MAIP1: variants seen among roughly 807,000 people sequenced by gnomAD.
MAIP1 encodes the protein m-AAA protease-interacting protein 1, mitochondrial.
Under a neutral mutation model 31.2 loss-of-function variants are expected in MAIP1, and 28 were observed. The observed-to-expected ratio is 0.90, with a 90% confidence interval of 0.67 to 1.23. MAIP1 has a LOEUF of 1.23. Among genes scored for constraint, MAIP1 ranks in the 50% most tolerant of loss-of-function variants. The pLI is 0.00. For synonymous variants in MAIP1, 142 were observed against 142.3 expected (o/e 1.00, Z 0.02); for missense variants, 339 against 356.0 (o/e 0.95, Z 0.38).
At chr2:199,959,937 C>G in intron 3 of MAIP1, 57 bp downstream of exon 3, 1 of 1,510,670 alleles carries the variant, frequency 6.6e-7, no homozygotes, top group Non-Finnish European at 9.0e-7. Flanking sequence ...ATAAGCTAAA[C>G]TAGTGGATAA....
At chr2:199,961,998 AAG>A in intron 4 of MAIP1, 70 bp downstream of exon 4, 8 of 1,337,910 alleles carry the variant, frequency 6.0e-6, no homozygotes, top group African/African-American at 1.5e-5. Context: ...TATGAAAACT[AAG>A]AGATCTTTAG....
In MAIP1 at chr2:199,963,710, A is replaced by G. The variant is rs1400060196; in HGVS notation, c.798-23A>G. On this transcript the variant is annotated intron_variant, in intron 4 of 4. Coordinates refer to ENST00000392290, the MANE Select transcript of MAIP1 (RefSeq NM_001394955.1). ...ATACTTGGACTGATGTAAGATTTACATTATTTGCAATGTCTTTCCTAGGTT... is the reference window on the plus strand; with the variant it reads ...ATACTTGGACTGATGTAAGATTTACGTTATTTGCAATGTCTTTCCTAGGTT... 8 of 1,449,722 alleles carry G rather than the reference A, an allele frequency of 5.5e-6. No individual in the cohort carries two copies. In the South Asian group the frequency reaches 8.0e-5, roughly 15 times the overall value. The allele number at this position is 1,449,722 out of a possible 1,614,324, so 89.8% of individuals were successfully genotyped here. A position where few individuals can be genotyped will look rare whatever the true frequency, so the allele number is the denominator to read the frequency against.
Position 199,959,284 on chromosome 2 carries a change from C to A in MAIP1, c.467C>A (p.Ser156Tyr). Reference protein sequence around the residue: ...EGAKQAFAHVSKLLSQCKFDL... With the variant: ...EGAKQAFAHVYKLLSQCKFDL... ...TTTTTCAAGGCTTTTGCTCATGTAT[C>A]CAAGTTGCTGTCACAGTGTAAATTT... The change falls in exon 2 of 5, where the codon TCC (serine) becomes TAC (tyrosine). Residue 156 changes from serine to tyrosine, a missense_variant. Transcript: ENST00000392290. The A allele has an allele frequency of 6.3e-7, 1 of 1,586,640 alleles. No homozygotes were observed. Among genetic ancestry groups the A allele is most frequent in the Non-Finnish European group, 8.7e-7 (1 of 1,155,506 alleles).
upstream of MAIP1, chr2:199,955,443 G>T (rs747786563): frequency 1.9e-6 from 3 of 1,613,834 alleles, no homozygotes; most frequent in Non-Finnish European, 2.5e-6. Context: ...CCCTCCAGCC[G>T]GGGTACCGGG....
intron 3 of MAIP1, among the ~76,000 whole-genome samples, chr2:199,961,412 C>T (rs548812540): frequency 6.7e-4 from 102 of 152,040 alleles, no homozygotes; most frequent in African/African-American, 2.4e-3. Flanking sequence ...TGCAGTGAGC[C>T]GATACTGCGC....
At chr2:199,959,246 T>A in intron 1 of MAIP1, 22 bp from the exon 2 acceptor site, 1 of 1,301,528 alleles carries the variant, frequency 7.7e-7, no homozygotes. Context: ...ATCCCCACAC[T>A]TCCCTTAATA....
chr2:199,961,174 A>G (rs551235360), intron 3 of MAIP1, among the ~76,000 whole-genome samples: 1 of 152,268 alleles, frequency 6.6e-6, no homozygotes, highest in African/African-American at 2.4e-5. Flanking sequence ...AATCTTAGAA[A>G]ATGCCTGGCC....
In MAIP1 at chr2:199,956,307, G is replaced by A. The variant is rs568899406; in HGVS notation, c.450+59G>A. On this transcript the variant is annotated intron_variant, in intron 1 of 4. Coordinates refer to ENST00000392290, the MANE Select transcript of MAIP1 (RefSeq NM_001394955.1). ...CTAATGAGTTCAACTATTGCTCGCAGAAGTGCTTAGCAGTGAGTTTTCTTC... is the reference window on the plus strand; with the variant it reads ...CTAATGAGTTCAACTATTGCTCGCAAAAGTGCTTAGCAGTGAGTTTTCTTC... The A allele has an allele frequency of 1.7e-4, 237 of 1,362,494 alleles. 1 individual carries two copies. Among genetic ancestry groups the A allele is most frequent in the Non-Finnish European group, 1.3e-4 (127 of 976,902 alleles). The allele number at this position is 1,362,494 out of a possible 1,614,324, so 84.4% of individuals were successfully genotyped here.
intron 1 of MAIP1, among the ~76,000 whole-genome samples, chr2:199,956,768 A>C (rs2077608105): frequency 6.6e-6 from 1 of 152,224 alleles, no homozygotes; most frequent in South Asian, 2.1e-4. Flanking sequence ...CCTGCCAGCT[A>C]TTAGACAGAG....
Position 199,955,648 on chromosome 2 carries a change from CT to C in MAIP1, c.-150del. 7 of 1,127,838 alleles carry C rather than the reference CT, an allele frequency of 6.2e-6. No individual in the cohort carries two copies. Among genetic ancestry groups the C allele is most frequent in the Non-Finnish European group, 8.6e-6 (7 of 813,064 alleles). 69.9% of individuals were successfully genotyped at this position (1,127,838 alleles called of 1,614,324 possible). ...GAAGGGCCTCGGCCTGGGCTGCGTG[CT>C]GGAGAGCGGGGACGGGGCCGACTCA... On this transcript the variant is annotated 5_prime_UTR_variant, in exon 1 of 5. Coordinates refer to ENST00000392290, the MANE Select transcript of MAIP1 (RefSeq NM_001394955.1).
chr2:199,959,640 C>A, intron 2 of MAIP1, 114 bp from the exon 3 acceptor site: 1 of 845,478 alleles, frequency 1.2e-6, no homozygotes, highest in Non-Finnish European at 1.8e-6. Flanking sequence ...TGAGTAAATA[C>A]GGTAGTAAAT....
chr2:199,960,604 A>G (rs980558437), intron 3 of MAIP1, among the ~76,000 whole-genome samples: 1 of 152,200 alleles, frequency 6.6e-6, no homozygotes, highest in Non-Finnish European at 1.5e-5. Context: ...AACTATTTAC[A>G]TTAGCATTTA....
chr2:199,956,093 G>C lies in MAIP1; in HGVS notation c.295G>C (p.Glu99Gln), dbSNP rs780668557. 4 of 1,614,018 alleles carry C rather than the reference G, an allele frequency of 2.5e-6. No homozygotes were observed. The African/African-American group carries it at 4.0e-5, about 16-fold the overall frequency. ...CTGCCCTCAGCGCAGCTACAGCACGGAGGAGAAGCCCCAGCAGCACCAGAA... is the reference window on the plus strand; with the variant it reads ...CTGCCCTCAGCGCAGCTACAGCACGCAGGAGAAGCCCCAGCAGCACCAGAA... ...PACPQRSYST[E>Q]EKPQQHQKTK... is the part of the protein sequence containing the mutation. The change falls in exon 1 of 5, where the codon GAG becomes CAG. Residue 99 changes from glutamate to glutamine, a missense_variant. Glu to Gln is a conservative substitution (Grantham distance 29). Transcript: ENST00000392290.
chr2:199,955,727 C>A lies in MAIP1; in HGVS notation c.-72C>A. 7.0e-7 allele frequency: 1 copy of A among 1,426,022 alleles called. No individual in the cohort carries two copies. The highest frequency in any genetic ancestry group is 1.4e-5 in the African/African-American group (1 of 70,138). 88.3% of individuals were successfully genotyped at this position (1,426,022 alleles called of 1,614,324 possible). On this transcript the variant is annotated 5_prime_UTR_variant, in exon 1 of 5. Coordinates refer to ENST00000392290, the MANE Select transcript of MAIP1 (RefSeq NM_001394955.1). ...TGCTCTCCAGTCTCTTTCTCCGACA[C>A]CGCTGAGGCGGTTTCCCACCGACTT... is the stretch of plus-strand genomic sequence containing the variant.
rs1488835295 is a variant in MAIP1 at position 199,956,043 on chromosome 2, C to T, written c.245C>T (p.Pro82Leu). ...CCAGTGCTCAGCAGCCCGGGACTCC[C>T]CGCAGCCTTCGCTTCTTTCCCTGCC... ...RWPVLSSPGLPAAFASFPACP... is the reference protein window; with the variant it reads ...RWPVLSSPGLLAAFASFPACP... Residue 82 changes from proline (P) to leucine (L), a missense_variant, in exon 1 of 5, where the codon CCC becomes CTC. Pro to Leu is a moderately conservative substitution (Grantham distance 98, BLOSUM62 -3). Transcript: ENST00000392290. 1 of 1,610,228 alleles carries T rather than the reference C, an allele frequency of 6.2e-7. No homozygotes were observed. The highest frequency in any genetic ancestry group is 1.3e-5 in the African/African-American group (1 of 74,850).
At chr2:199,955,576 G>A (rs2077593349), upstream of MAIP1, 2 of 1,425,904 alleles carry the variant, frequency 1.4e-6, no homozygotes, top group South Asian at 1.3e-5. Context: ...GGTCCGCGAG[G>A]CCGGCAGACT....
chr2:199,956,011 C>T lies in MAIP1; in HGVS notation c.213C>T (p.Ser71=), dbSNP rs369909046. ...LAASALPAQG[S]RWPVLSSPGL... ...CCTCGGCGCTACCTGCCCAGGGCTC[C>T]CGGTGGCCAGTGCTCAGCAGCCCGG... Residue 71 remains serine (S), a synonymous_variant, in exon 1 of 5, where the codon TCC becomes TCT. Coordinates refer to ENST00000392290, the MANE Select transcript of MAIP1 (RefSeq NM_001394955.1). 7.9e-5 allele frequency: 127 copies of T among 1,610,358 alleles called. No homozygotes were observed. The highest frequency in any genetic ancestry group is 1.0e-4 in the Non-Finnish European group (119 of 1,178,396).
intron 4 of MAIP1, among the ~76,000 whole-genome samples, chr2:199,962,938 C>T (rs952961758): frequency 6.6e-6 from 1 of 152,036 alleles, no homozygotes; most frequent in African/African-American, 2.4e-5. Context: ...GCCAGAGTTA[C>T]ACAAATCTGC....
At chr2:199,956,348 ATC>A in intron 1 of MAIP1, 100 bp downstream of exon 1, 1 of 934,536 alleles carries the variant, frequency 1.1e-6, no homozygotes, top group Non-Finnish European at 1.6e-6. Flanking sequence ...GATACAAGTG[ATC>A]AAACGTGATT....
Sources: gnomAD v4.1 joint callset for allele counts (sites outside exome capture counted in the v4.1 genomes callset) on GRCh38, gnomAD v4.1.1 for gene constraint, MANE v1.5 for transcripts, NCBI Gene and HGNC (gene_info 2026-07-23, HGNC 2026-07-21) for gene names.